Variants in FGD4 observed in about 807,000 individuals in gnomAD.
FGD4 encodes FYVE, RhoGEF and PH domain containing 4.
In FGD4, 42 loss-of-function variants were observed where a neutral mutation model predicts 102.0. That is an observed-to-expected ratio of 0.41 (90% CI 0.32 to 0.53). The LOEUF (loss-of-function observed/expected upper bound fraction) is 0.53, where lower values mean the gene tolerates loss of function less well. Ranked by LOEUF, FGD4 falls within the 20% of genes least tolerant of loss-of-function variation. The pLI is 0.21. For missense variants in FGD4, 902 were observed against 1,078.2 expected, an observed-to-expected ratio of 0.84 and a Z score of 2.29; for synonymous variants, 380 against 375.7, an observed-to-expected ratio of 1.01 and a Z score of -0.13.
Position 32,645,382 on chromosome 12 carries a change from C to G in FGD4, c.*4849C>G, listed in dbSNP as rs868249188. The G allele has an allele frequency of 3.3e-5, 5 of 152,154 alleles. No homozygotes were observed. Among genetic ancestry groups the G allele is most frequent in the Admixed American group, 2.6e-4 (4 of 15,272 alleles). The allele number at this position is 152,154 out of a possible 1,614,324, so 9.4% of individuals were successfully genotyped here. A position where few individuals can be genotyped will look rare whatever the true frequency, so the allele number is the denominator to read the frequency against. On this transcript the variant is annotated 3_prime_UTR_variant, in exon 17 of 17. Transcript: ENST00000534526. ...CATAGGCCGGGCATAGTGGCTCATG[C>G]CTGTAATCCCAGCCCTTGGGAGGCC...
intron 14 of FGD4, among the ~76,000 whole-genome samples, chr12:32,626,332 T>C (rs1950167292): frequency 6.6e-6 from 1 of 151,330 alleles, no homozygotes; most frequent in South Asian, 2.1e-4. Flanking sequence ...TAATCCCAGC[T>C]ACTTGGGAGG....
At chr12:32,511,554 G>A (rs1200747593) in intron 1 of FGD4, among the ~76,000 whole-genome samples, 5 of 151,826 alleles carry the variant, frequency 3.3e-5, no homozygotes, top group Non-Finnish European at 5.9e-5. Flanking sequence ...CGCCCGCCTC[G>A]GCCTCCCAAA....
intron 1 of FGD4, among the ~76,000 whole-genome samples, chr12:32,517,481 A>C (rs1205208068): frequency 6.6e-6 from 1 of 152,192 alleles, no homozygotes; most frequent in African/African-American, 2.4e-5. Context: ...CATTACTTTT[A>C]CATTAGAATT....
chr12:32,608,050 C>T lies in FGD4; in HGVS notation c.1498C>T (p.Leu500=), dbSNP rs1306865594. The part of the protein sequence containing the change: ...PRYEMLLKDY[L]RKLPPDSLDW... ...GTATGAGATGCTCCTTAAGGACTAT[C>T]TAAGGAAATTGCCTCCTGATTCCCT... Residue 500 remains leucine, a synonymous_variant, in exon 8 of 17, where the codon CTA becomes TTA. Transcript: ENST00000534526. The T allele has an allele frequency of 6.2e-7, 1 of 1,614,194 alleles. No homozygotes were observed. The highest frequency in any genetic ancestry group is 1.3e-5 in the African/African-American group (1 of 75,054).
At chr12:32,542,030 C>A (rs1182895577) in intron 1 of FGD4, among the ~76,000 whole-genome samples, 4 of 152,102 alleles carry the variant, frequency 2.6e-5, no homozygotes, top group African/African-American at 9.7e-5. Flanking sequence ...GTGATCCTTA[C>A]CTTGGAACAA....
intron 1 of FGD4, among the ~76,000 whole-genome samples, chr12:32,550,405 C>A (rs1343252915): frequency 2.0e-5 from 3 of 152,110 alleles, no homozygotes; most frequent in Non-Finnish European, 4.4e-5. Context: ...AGTGGTGGCT[C>A]ATGCCTGTAA....
At chr12:32,407,031 T>G (rs1181642616) in intron 1 of FGD4, among the ~76,000 whole-genome samples, 1 of 151,888 alleles carries the variant, frequency 6.6e-6, no homozygotes, top group Non-Finnish European at 1.5e-5. Context: ...CAGGCTGGTC[T>G]TGAACTCCTG....
chr12:32,508,414 C>G (rs1409333777), intron 1 of FGD4, among the ~76,000 whole-genome samples: 1 of 152,202 alleles, frequency 6.6e-6, no homozygotes, highest in Non-Finnish European at 1.5e-5. Context: ...AGCTGGAATT[C>G]TCTTCTTTAT....
At chr12:32,573,542 AG>A (rs1565858638) in intron 2 of FGD4, among the ~76,000 whole-genome samples, 1 of 152,222 alleles carries the variant, frequency 6.6e-6, no homozygotes, top group Non-Finnish European at 1.5e-5. Context: ...TTTGAGGCAA[AG>A]TATCTGTTAC....
intron 4 of FGD4, among the ~76,000 whole-genome samples, chr12:32,595,155 T>C (rs540555520): frequency 4.6e-5 from 7 of 152,138 alleles, no homozygotes; most frequent in African/African-American, 1.7e-4. Context: ...TATTGATAGG[T>C]GTCTTATGTA....
chr12:32,587,692 A>G lies in FGD4; in HGVS notation c.1011+5225A>G, dbSNP rs113842445. 3.0e-3 allele frequency among the ~76,000 whole-genome samples: 464 copies of G among 152,270 alleles called. 2 individuals carry two copies. The highest frequency in any genetic ancestry group is 0.01 in the African/African-American group (436 of 41,562). On this transcript the variant is annotated intron_variant, in intron 4 of 16. Transcript: ENST00000534526. ...TGAGCCACTGTGCCTGGCCAGACAC[A>G]TCACTTTAACAAACTCTCCAGGCCA...
At chr12:32,545,023 A>G (rs1162511055) in intron 1 of FGD4, among the ~76,000 whole-genome samples, 1 of 152,152 alleles carries the variant, frequency 6.6e-6, no homozygotes, top group African/African-American at 2.4e-5. Flanking sequence ...TCCACAGGTG[A>G]TTCTAATGTA....
chr12:32,590,251 A>G (rs945078350), intron 4 of FGD4, among the ~76,000 whole-genome samples: 2 of 149,972 alleles, frequency 1.3e-5, no homozygotes, highest in Non-Finnish European at 1.5e-5. Flanking sequence ...CAGAGTTTGC[A>G]GTGAGCCGAG....
intron 1 of FGD4, among the ~76,000 whole-genome samples, chr12:32,476,381 A>G (rs889432917): frequency 5.9e-5 from 9 of 152,322 alleles, no homozygotes; most frequent in Admixed American, 3.9e-4. Context: ...TTTGGTAGGA[A>G]TGGCACATCT....
At chr12:32,524,534 A>AAAC (rs1555194672) in intron 1 of FGD4, among the ~76,000 whole-genome samples, 43 of 151,168 alleles carry the variant, frequency 2.8e-4, no homozygotes, top group South Asian at 6.2e-4. Context: ...TAAAAAAAAA[A>AAAC]AACAGAAAAA....
chr12:32,580,158 T>A (rs1372493919), intron 3 of FGD4, among the ~76,000 whole-genome samples: 1 of 152,148 alleles, frequency 6.6e-6, no homozygotes, highest in Admixed American at 6.6e-5. Context: ...GGATTTAGAG[T>A]TGGATTCATG....
chr12:32,503,439 A>T (rs1162124953), intron 1 of FGD4, among the ~76,000 whole-genome samples: 1 of 152,150 alleles, frequency 6.6e-6, no homozygotes, highest in African/African-American at 2.4e-5. Context: ...TTTTCTTTTT[A>T]AAATGATAAT....
chr12:32,438,713 A>C (rs1809912), intron 1 of FGD4, among the ~76,000 whole-genome samples: 59,907 of 150,748 alleles, frequency 0.4, 12,500 homozygotes, highest in African/African-American at 0.52. Context: ...TCACGCCAAT[A>C]TCCTGCCTCA....
chr12:32,534,220 C>T, intron 1 of FGD4: 1 of 995,720 alleles, frequency 1.0e-6, no homozygotes. Flanking sequence ...TCATACACTC[C>T]CTCTCATGCA....
Sources: gnomAD v4.1 joint callset for allele counts (sites outside exome capture counted in the v4.1 genomes callset) on GRCh38, gnomAD v4.1.1 for gene constraint, MANE v1.5 for transcripts, NCBI Gene and HGNC (gene_info 2026-07-23, HGNC 2026-07-21) for gene names.